USH1C: variants seen among roughly 807,000 people sequenced by gnomAD.
USH1C encodes harmonin.
Under a neutral mutation model 119.3 loss-of-function variants are expected in USH1C, and 90 were observed. The ratio of observed to expected loss-of-function variants is 0.75; its 90% CI spans 0.64 to 0.90. The LOEUF is 0.90. Among genes scored for constraint, USH1C ranks in the 40% least tolerant of loss-of-function variants. USH1C has a pLI of 0.00. For synonymous variants in USH1C, 465 were observed against 443.3 expected (o/e 1.05, Z -0.62); for missense variants, 1,165 against 1,167.7 (o/e 1.00, Z 0.03).
chr11:17,528,879 C>G (rs1035497642), intron 4 of USH1C, among the ~76,000 whole-genome samples: 1 of 152,254 alleles, frequency 6.6e-6, no homozygotes, highest in Non-Finnish European at 1.5e-5. Context: ...CTAACTCCTT[C>G]CACCTATTTT....
chr11:17,500,941 T>C, intron 23 of USH1C, 110 bp downstream of exon 23: 1 of 900,348 alleles, frequency 1.1e-6, no homozygotes, highest in Non-Finnish European at 1.8e-6. Flanking sequence ...GGGAGGGCAT[T>C]CTCCAGCAAC....
intron 26 of USH1C, chr11:17,494,949 G>A (rs984079814): frequency 1.8e-5 from 4 of 219,344 alleles, no homozygotes; most frequent in Non-Finnish European, 3.7e-5. Flanking sequence ...AAGGGAGAAG[G>A]CAGAGAAGAC....
intron 9 of USH1C, 64 bp from the exon 10 acceptor site, chr11:17,523,542 A>G: frequency 6.5e-7 from 1 of 1,541,926 alleles, no homozygotes; most frequent in East Asian, 2.3e-5. Context: ...CATCTGCAGG[A>G]CAGGCTCCCC....
At chr11:17,497,111 A>G (rs1849276959) in intron 24 of USH1C, among the ~76,000 whole-genome samples, 1 of 152,202 alleles carries the variant, frequency 6.6e-6, no homozygotes, top group South Asian at 2.1e-4. Context: ...GAACTTCTTA[A>G]AAGTGTAGGC....
chr11:17,530,094 C>T (rs886817), intron 4 of USH1C, among the ~76,000 whole-genome samples: 15,319 of 152,248 alleles, frequency 0.1, 950 homozygotes, highest in South Asian at 0.26. Flanking sequence ...TCTGTCAGCT[C>T]CCTGTTTCCA....
chr11:17,513,287 C>G (rs989490731), intron 15 of USH1C, among the ~76,000 whole-genome samples: 2 of 152,158 alleles, frequency 1.3e-5, no homozygotes, highest in African/African-American at 4.8e-5. Context: ...ACAGCCCACA[C>G]CCTGGGCAAT....
At chr11:17,532,868 A>G (rs368050962) in intron 2 of USH1C, among the ~76,000 whole-genome samples, 1 of 152,214 alleles carries the variant, frequency 6.6e-6, no homozygotes, top group African/African-American at 2.4e-5. Flanking sequence ...CTTATAAAGT[A>G]GAAAAAATGA....
intron 26 of USH1C, chr11:17,494,813 C>T (rs1849187600): frequency 3.5e-6 from 1 of 283,754 alleles, no homozygotes; most frequent in Non-Finnish European, 6.9e-6. Flanking sequence ...CTTCAGGCCA[C>T]ACCAAACACC....
At chr11:17,530,815 A>G (rs1010703174) in intron 4 of USH1C, among the ~76,000 whole-genome samples, 1 of 152,124 alleles carries the variant, frequency 6.6e-6, no homozygotes. Flanking sequence ...CTGCTGGTAA[A>G]AGGCAACAGG....
intron 18 of USH1C, among the ~76,000 whole-genome samples, chr11:17,506,315 G>T (rs1849647249): frequency 6.6e-6 from 1 of 152,210 alleles, no homozygotes; most frequent in South Asian, 2.1e-4. Context: ...TTTGGCCACA[G>T]TTCCAGTCCC....
Position 17,531,947 on chromosome 11 carries a change from T to C in USH1C, c.105-405A>G, listed in dbSNP as rs554397722. 3.3e-5 allele frequency among the ~76,000 whole-genome samples: 5 copies of C among 152,296 alleles called. No homozygotes were observed. The highest frequency in any genetic ancestry group is 1.3e-4 in the Admixed American group (2 of 15,296). ...ACCTCACCACAGTTCACATGCCTCC[T>C]CCCTCATGCTGTTCAGACCTTCGAC... On this transcript the variant is annotated intron_variant, in intron 2 of 26. Coordinates refer to ENST00000005226, the MANE Select transcript of USH1C (RefSeq NM_153676.4). The surrounding 1 kb of genome is among the most constrained non-coding windows in gnomAD (Gnocchi z 4.2).
chr11:17,496,936 G>T, intron 24 of USH1C, 123 bp from the exon 25 acceptor site: 1 of 1,091,954 alleles, frequency 9.2e-7, no homozygotes, highest in East Asian at 2.6e-5. Flanking sequence ...TTCTTCCCAC[G>T]GGCCCACCTG....
chr11:17,519,209 G>A (rs1271790050), intron 14 of USH1C, among the ~76,000 whole-genome samples: 1 of 152,212 alleles, frequency 6.6e-6, no homozygotes. Flanking sequence ...CAGGAGGTGA[G>A]CTGGCTCAGG....
intron 1 of USH1C, among the ~76,000 whole-genome samples, chr11:17,542,820 C>T (rs1410003141): frequency 1.3e-5 from 2 of 152,348 alleles, no homozygotes; most frequent in Admixed American, 6.5e-5. Flanking sequence ...TTTCTTCCGA[C>T]ATGTCTCTTT....
intron 15 of USH1C, among the ~76,000 whole-genome samples, chr11:17,513,329 T>G (rs927770314): frequency 2.6e-5 from 4 of 152,032 alleles, no homozygotes; most frequent in Non-Finnish European, 5.9e-5. Context: ...CCCTGTTCAC[T>G]GAGCTCACCC....
intron 4 of USH1C, among the ~76,000 whole-genome samples, chr11:17,530,215 A>G (rs1001671821): frequency 3.3e-5 from 5 of 152,124 alleles, no homozygotes; most frequent in African/African-American, 1.2e-4. Flanking sequence ...GCTCTTGGTG[A>G]TGGTGGGAGG....
intron 1 of USH1C, 109 bp downstream of exon 1, chr11:17,544,163 C>T (rs1851597984): frequency 1.4e-6 from 2 of 1,440,202 alleles, no homozygotes; most frequent in Non-Finnish European, 9.7e-7. Context: ...CAACCAGAGC[C>T]ATCAGGTGGG....
At position 17,533,342 on chromosome 11, in the gene USH1C, A is replaced by G. The variant is rs1401694334; in HGVS notation, c.37-20T>C. ...ATCCACCTGGAAAATCCAATAGCAG[A>G]ATCACAGCTCCAGGCTCAGCACCCG... On this transcript the variant is annotated intron_variant, in intron 1 of 26. Coordinates refer to ENST00000005226, the MANE Select transcript of USH1C (RefSeq NM_153676.4). 1.3e-6 allele frequency: 2 copies of G among 1,592,888 alleles called. No individual in the cohort carries two copies. Among genetic ancestry groups the G allele is most frequent in the Non-Finnish European group, 1.7e-6 (2 of 1,163,500 alleles).
At chr11:17,508,542 G>A (rs1178248684) in intron 18 of USH1C, among the ~76,000 whole-genome samples, 1 of 152,196 alleles carries the variant, frequency 6.6e-6, no homozygotes, top group Admixed American at 6.5e-5. Context: ...TCATGGCTAC[G>A]GGAGTGGAAT....
Sources: gnomAD v4.1 joint callset for allele counts (sites outside exome capture counted in the v4.1 genomes callset) on GRCh38, gnomAD v4.1.1 for gene constraint, Gnocchi (gnomAD v3.1) non-coding constraint, MANE v1.5 for transcripts, NCBI Gene and HGNC (gene_info 2026-07-23, HGNC 2026-07-21) for gene names.